AFF4: variants seen among roughly 807,000 people sequenced by gnomAD.
The protein encoded by AFF4 is ALF transcription elongation factor 4.
AFF4 carries 13 observed loss-of-function variants against 124.8 expected under a neutral mutation model. That is an observed-to-expected ratio of 0.10 (90% CI 0.07 to 0.17). AFF4 has a LOEUF of 0.17. AFF4 is among the 10% of genes least tolerant of loss of function. The pLI, the probability that AFF4 is intolerant of heterozygous loss-of-function variation, is 1.00. For synonymous variants in AFF4, 477 were observed against 496.1 expected, an observed-to-expected ratio of 0.96 and a Z score of 0.51; for missense variants, 1,092 against 1,403.8, an observed-to-expected ratio of 0.78 and a Z score of 3.55.
chr5:132,911,812 T>TA, intron 5 of AFF4, among the ~76,000 whole-genome samples: 1 of 135,154 alleles, frequency 7.4e-6, no homozygotes, highest in Non-Finnish European at 1.6e-5. Flanking sequence ...CTGAACAGAT[T>TA]AAAAGCAATG....
In AFF4 at chr5:132,934,664, T is replaced by C. The variant is rs1283495386; in HGVS notation, c.401A>G (p.Gln134Arg). ...SSGLQSGHSS[Q>R]RTSAGSSSGT... ...ACTACTGCTACCTGCGCTGGTCCGC[T>C]GGCTACTATGTCCACTCTGTAAGCC... Residue 134 changes from glutamine to arginine, a missense_variant, in exon 3 of 21, where the codon CAG becomes CGG. Around this residue, in one of 11 missense-constraint regions of AFF4, gnomAD observed 188 missense variants for 203.0 expected, o/e 0.93. Transcript: ENST00000265343. 6.2e-7 allele frequency: 1 copy of C among 1,614,040 alleles called. No individual in the cohort carries two copies. The highest frequency in any genetic ancestry group is 8.5e-7 in the Non-Finnish European group (1 of 1,180,034).
At chr5:132,898,974 C>T (rs996622293) in intron 9 of AFF4, 130 bp downstream of exon 9, 10 of 822,180 alleles carry the variant, frequency 1.2e-5, no homozygotes, top group Non-Finnish European at 1.9e-5. Flanking sequence ...AATTCAATGA[C>T]TTAATTTACA....
chr5:132,876,632 G>C lies in AFF4; in HGVS notation c.*4427C>G, dbSNP rs1178359237. ...TTAAAGATCTCTAAGACTTGGATTAGACTTAACTTGAATACCTTATTCTGT... is the reference window on the plus strand; with the variant it reads ...TTAAAGATCTCTAAGACTTGGATTACACTTAACTTGAATACCTTATTCTGT... On this transcript the variant is annotated 3_prime_UTR_variant, in exon 21 of 21. Transcript: ENST00000265343. 5.0e-6 allele frequency: 1 copy of C among 200,152 alleles called. No individual in the cohort carries two copies. The highest frequency in any genetic ancestry group is 1.0e-5 in the Non-Finnish European group (1 of 97,066). 12.4% of individuals were successfully genotyped at this position (200,152 alleles called of 1,614,324 possible). A position where few individuals can be genotyped will look rare whatever the true frequency, so the allele number is the denominator to read the frequency against.
intron 11 of AFF4, among the ~76,000 whole-genome samples, chr5:132,895,178 G>C (rs1760358050): frequency 1.3e-5 from 2 of 152,012 alleles, no homozygotes; most frequent in African/African-American, 4.8e-5. Context: ...CAGCTTACTA[G>C]TTGAGCAAAA....
At chr5:132,900,168 C>T (rs769907162) in intron 7 of AFF4, among the ~76,000 whole-genome samples, 6 of 152,156 alleles carry the variant, frequency 3.9e-5, no homozygotes, top group Non-Finnish European at 8.8e-5. Flanking sequence ...TTCATAAATG[C>T]CTTGCTATGA....
chr5:132,896,182 T>A (rs933440220), intron 11 of AFF4, 141 bp downstream of exon 11: 2 of 929,840 alleles, frequency 2.2e-6, no homozygotes, highest in African/African-American at 3.3e-5. Context: ...GTTCCACATG[T>A]AGCCTCGCCT....
chr5:132,935,006 G>C (rs1415105093), intron 2 of AFF4, 65 bp from the exon 3 acceptor site: 1 of 1,330,292 alleles, frequency 7.5e-7, no homozygotes, highest in Non-Finnish European at 9.9e-7. Context: ...ATATAATTCT[G>C]AACTAATTTT....
At chr5:132,907,920 C>A (rs1760706310) in intron 5 of AFF4, among the ~76,000 whole-genome samples, 1 of 151,880 alleles carries the variant, frequency 6.6e-6, no homozygotes, top group African/African-American at 2.4e-5. Context: ...ACTTATAGAC[C>A]ATATTAAAGA....
At chr5:132,952,073 A>T (rs1460501180) in intron 1 of AFF4, among the ~76,000 whole-genome samples, 1 of 152,196 alleles carries the variant, frequency 6.6e-6, no homozygotes, top group Admixed American at 6.5e-5. Flanking sequence ...CTGCCATTAC[A>T]AACAATGCTA....
chr5:132,909,876 G>C (rs1760754043), intron 5 of AFF4, among the ~76,000 whole-genome samples: 1 of 152,190 alleles, frequency 6.6e-6, no homozygotes, highest in Admixed American at 6.5e-5. Flanking sequence ...GGTGGAAGGG[G>C]AAGGTAAAGA....
chr5:132,909,996 A>G (rs1313223521), intron 5 of AFF4, among the ~76,000 whole-genome samples: 2 of 152,256 alleles, frequency 1.3e-5, no homozygotes, highest in Non-Finnish European at 2.9e-5. Flanking sequence ...AGTGTGATGC[A>G]CACAACTACA....
At chr5:132,918,208 C>T (rs1247722694) in intron 5 of AFF4, among the ~76,000 whole-genome samples, 2 of 151,580 alleles carry the variant, frequency 1.3e-5, no homozygotes, top group African/African-American at 4.8e-5. Flanking sequence ...TCCTGGCCAA[C>T]ATGGTGAAAA....
At chr5:132,941,154 C>T (rs1393308189) in intron 1 of AFF4, among the ~76,000 whole-genome samples, 1 of 152,004 alleles carries the variant, frequency 6.6e-6, no homozygotes, top group African/African-American at 2.4e-5. Context: ...CTCTTACCAT[C>T]ACTATCTCTG....
At position 132,889,070 on chromosome 5, in the gene AFF4, T is replaced by C. The variant is rs760364890; in HGVS notation, c.2732+9A>G. ...TTAAATACAGATACAAAAAATCATATTATCTCACCTGTCATCAAAGACAAG... is the reference window on the plus strand; with the variant it reads ...TTAAATACAGATACAAAAAATCATACTATCTCACCTGTCATCAAAGACAAG... On this transcript the variant is annotated intron_variant, in intron 14 of 20. Coordinates refer to ENST00000265343, the MANE Select transcript of AFF4 (RefSeq NM_014423.4). 4 of 1,601,618 alleles carry C rather than the reference T, an allele frequency of 2.5e-6. No individual in the cohort carries two copies. The highest frequency in any genetic ancestry group is 4.5e-5 in the East Asian group (2 of 44,834).
intron 1 of AFF4, among the ~76,000 whole-genome samples, chr5:132,956,789 A>C (rs1284074968): frequency 2.0e-5 from 3 of 151,796 alleles, no homozygotes; most frequent in Non-Finnish European, 4.4e-5. Flanking sequence ...TGGGAGGCTG[A>C]GGCAGGCAGA....
chr5:132,931,475 G>A (rs4705873), intron 4 of AFF4, among the ~76,000 whole-genome samples: 17,524 of 152,096 alleles, frequency 0.12, 1,272 homozygotes, highest in South Asian at 0.2. Flanking sequence ...ATTACTGTAA[G>A]ATTTGACCAG....
intron 1 of AFF4, among the ~76,000 whole-genome samples, chr5:132,951,776 C>T (rs755915552): frequency 3.9e-5 from 6 of 151,940 alleles, no homozygotes; most frequent in Non-Finnish European, 7.4e-5. Flanking sequence ...GATCGGCCCA[C>T]CTCGGCCTCC....
At chr5:132,904,140 C>G in intron 6 of AFF4, 1 of 430,464 alleles carries the variant, frequency 2.3e-6, no homozygotes. Flanking sequence ...GCCCACAGTC[C>G]CAGCTACTCA....
intron 1 of AFF4, among the ~76,000 whole-genome samples, chr5:132,940,295 T>C (rs1761537153): frequency 6.6e-6 from 1 of 151,532 alleles, no homozygotes; most frequent in Non-Finnish European, 1.5e-5. Flanking sequence ...GTCAGGAGAT[T>C]GAGATATCCT....
Sources: gnomAD v4.1 joint callset for allele counts (sites outside exome capture counted in the v4.1 genomes callset) on GRCh38, gnomAD v4.1.1 for gene constraint, gnomAD v4.1.1 regional missense constraint, MANE v1.5 for transcripts, NCBI Gene and HGNC (gene_info 2026-07-23, HGNC 2026-07-21) for gene names.